Variants in CYTH3 observed in about 807,000 individuals in gnomAD.
CYTH3 encodes cytohesin-3.
In CYTH3, 23 loss-of-function variants were observed where a neutral mutation model predicts 55.1. The ratio of observed to expected loss-of-function variants is 0.42; its 90% CI spans 0.30 to 0.59. The LOEUF (loss-of-function observed/expected upper bound fraction) is 0.59. Ranked by LOEUF, CYTH3 falls within the 20% of genes least tolerant of loss-of-function variation. CYTH3 has a pLI of 0.20. For missense variants in CYTH3, 413 were observed against 524.8 expected (o/e 0.79, Z 2.08); for synonymous variants, 249 against 194.9 (o/e 1.28, Z -2.31).
intron 1 of CYTH3, among the ~76,000 whole-genome samples, chr7:6,252,470 A>T (rs539322711): frequency 2.0e-5 from 3 of 152,226 alleles, no homozygotes; most frequent in Non-Finnish European, 2.9e-5. Context: ...TGGAATTTAA[A>T]TCAGTCATCT....
rs1472499217 is a variant in CYTH3, at chr7:6,247,616, AG to A, written c.34+24857del. Among the ~76,000 whole-genome samples the A allele has an allele frequency of 5.9e-5, 9 of 152,204 alleles. No individual in the cohort carries two copies. The South Asian group carries it at 1.7e-3, about 28-fold the overall frequency. On this transcript the variant is annotated intron_variant, in intron 1 of 12. Coordinates refer to ENST00000350796, the MANE Select transcript of CYTH3 (RefSeq NM_004227.4). ...CTGCAAATGCTTTTACTGTCATTACAGTTTCTTTCAGCTCTTTCATTTCACT... is the reference window on the plus strand; with the variant it reads ...CTGCAAATGCTTTTACTGTCATTACATTTCTTTCAGCTCTTTCATTTCACT...
rs116342458 is a variant in CYTH3, at chr7:6,191,527, C to A, written c.35-996G>T. ...TAAAAGTATAAATGTGAAGGGGAAACGCTACACAATTTTTAGAAGTAAATA... is the reference window on the plus strand; with the variant it reads ...TAAAAGTATAAATGTGAAGGGGAAAAGCTACACAATTTTTAGAAGTAAATA... On this transcript the variant is annotated intron_variant, in intron 1 of 12. Transcript: ENST00000350796. Among the ~76,000 whole-genome samples the A allele has an allele frequency of 8.5e-3, 1,276 of 150,842 alleles. 17 individuals carry two copies. Among genetic ancestry groups the A allele is most frequent in the African/African-American group, 0.03 (1,210 of 41,014 alleles).
chr7:6,257,065 G>C, intron 1 of CYTH3, among the ~76,000 whole-genome samples: 1 of 152,134 alleles, frequency 6.6e-6, no homozygotes. Context: ...TGTGATTCCC[G>C]AGAAAACGCA....
chr7:6,272,409 C>CGGGGGGGGGGGGGCG, intron 1 of CYTH3, 65 bp downstream of exon 1: 6 of 1,212,380 alleles, frequency 4.9e-6, no homozygotes, highest in South Asian at 2.0e-5. Context: ...GCCGCGCCCT[C>CGGGGGGGGGGGGGCG]GACCCCCAGC....
At chr7:6,266,083 A>T (rs902493692) in intron 1 of CYTH3, among the ~76,000 whole-genome samples, 2 of 151,802 alleles carry the variant, frequency 1.3e-5, no homozygotes, top group African/African-American at 4.8e-5. Flanking sequence ...TTCCCTCCAT[A>T]TTTCCCACTA....
At chr7:6,197,928 C>CA (rs150760300) in intron 1 of CYTH3, among the ~76,000 whole-genome samples, 4,004 of 151,938 alleles carry the variant, frequency 0.026, 181 homozygotes, top group African/African-American at 0.091. Context: ...TCTGTCTCTA[C>CA]AAAAAACAGA....
rs988201911 is a variant in CYTH3, at chr7:6,170,446, C to T, written c.823+89G>A. 6.9e-5 allele frequency: 82 copies of T among 1,187,388 alleles called. 1 individual carries two copies. The South Asian group carries it at 1.1e-3, about 16-fold the overall frequency. The allele number at this position is 1,187,388 out of a possible 1,614,324, so 73.6% of individuals were successfully genotyped here. Reference sequence around the variant, plus strand: ...TAACGTCTCTGCCTGCGGTGGGGGGCATTCCTACGATGAGCCTGGGAGGAA... The same window carrying T: ...TAACGTCTCTGCCTGCGGTGGGGGGTATTCCTACGATGAGCCTGGGAGGAA... On this transcript the variant is annotated intron_variant, in intron 9 of 12. Coordinates refer to ENST00000350796, the MANE Select transcript of CYTH3 (RefSeq NM_004227.4). The surrounding 1 kb of genome is among the most constrained non-coding windows in gnomAD (Gnocchi z 7.8).
chr7:6,212,188 T>C (rs879709416), intron 1 of CYTH3, among the ~76,000 whole-genome samples: 2 of 152,190 alleles, frequency 1.3e-5, no homozygotes, highest in Non-Finnish European at 2.9e-5. Flanking sequence ...CACTGGAGTA[T>C]GGTGGTCAAT....
intron 1 of CYTH3, among the ~76,000 whole-genome samples, chr7:6,216,490 G>GC (rs1784429758): frequency 6.6e-6 from 1 of 152,008 alleles, no homozygotes; most frequent in Admixed American, 6.6e-5. Context: ...TGTAATGCTA[G>GC]CACTTTGGGA....
intron 1 of CYTH3, among the ~76,000 whole-genome samples, chr7:6,238,873 A>AAGGGGAAAAGATTGGAAATCAGAACTCC (rs1779597155): frequency 6.6e-6 from 1 of 151,678 alleles, no homozygotes; most frequent in Non-Finnish European, 1.5e-5. Context: ...GTCTATTTAA[A>AAGGGGAAAAGATTGGAAATCAGAACTCC]AGGGGAAAAG....
At chr7:6,208,535 C>T (rs573980032) in intron 1 of CYTH3, among the ~76,000 whole-genome samples, 23 of 145,754 alleles carry the variant, frequency 1.6e-4, no homozygotes, top group African/African-American at 6.2e-4. Context: ...TTCATTCTAG[C>T]TCATTTTCTT....
intron 1 of CYTH3, among the ~76,000 whole-genome samples, chr7:6,258,105 C>A (rs370452570): frequency 1.3e-5 from 2 of 152,036 alleles, no homozygotes; most frequent in Non-Finnish European, 2.9e-5. Context: ...AAGATCTTGT[C>A]TCTACAAAAA....
At chr7:6,223,594 C>T (rs1490324238) in intron 1 of CYTH3, among the ~76,000 whole-genome samples, 1 of 152,038 alleles carries the variant, frequency 6.6e-6, no homozygotes, top group Non-Finnish European at 1.5e-5. Context: ...GGATTAAGAG[C>T]AGTGCAAGAT....
chr7:6,264,807 G>A (rs1780446100), intron 1 of CYTH3, among the ~76,000 whole-genome samples: 1 of 152,192 alleles, frequency 6.6e-6, no homozygotes, highest in Admixed American at 6.5e-5. Context: ...AGATCTTGGA[G>A]ATATAACTGG....
rs775130292 is a variant in CYTH3 at position 6,170,620 on chromosome 7, C to T, written c.738G>A (p.Glu246=). The change falls in exon 9 of 13, where the codon GAG becomes GAA. Residue 246 remains glutamate (E), a synonymous_variant. Coordinates refer to ENST00000350796, the MANE Select transcript of CYTH3 (RefSeq NM_004227.4). This position sits in a 1 kb window ranked among gnomAD's most constrained non-coding sequence, Gnocchi z 7.8. ...LRNLYESIKN[E]PFKIPEDDGN... is the part of the protein sequence containing the mutation. Reference sequence around the variant, plus strand: ...CGTCGTCCTCCGGGATCTTAAATGGCTCGTTCTTAATGCTCTCATACAAAT... The same window carrying T: ...CGTCGTCCTCCGGGATCTTAAATGGTTCGTTCTTAATGCTCTCATACAAAT... 12 of 1,613,866 alleles carry T rather than the reference C, an allele frequency of 7.4e-6. No homozygotes were observed. Among genetic ancestry groups the T allele is most frequent in the South Asian group, 1.1e-5 (1 of 91,078 alleles).
chr7:6,262,791 T>C (rs1057436329), intron 1 of CYTH3, among the ~76,000 whole-genome samples: 5 of 152,212 alleles, frequency 3.3e-5, no homozygotes, highest in Non-Finnish European at 7.3e-5. Flanking sequence ...CAGTGGCACA[T>C]GCCTGTAGTC....
intron 4 of CYTH3, among the ~76,000 whole-genome samples, chr7:6,183,895 C>G (rs377369726): frequency 6.6e-6 from 1 of 151,814 alleles, no homozygotes; most frequent in Non-Finnish European, 1.5e-5. Context: ...TCCTTACTCC[C>G]CAGCATGTGA....
chr7:6,251,600 C>A (rs180803685), intron 1 of CYTH3, among the ~76,000 whole-genome samples: 1 of 152,184 alleles, frequency 6.6e-6, no homozygotes, highest in African/African-American at 2.4e-5. Flanking sequence ...TCATATATTA[C>A]ATCCACTGAA....
Position 6,170,776 on chromosome 7 carries a change from G to T in CYTH3, c.711+54C>A. 1.3e-6 allele frequency: 2 copies of T among 1,580,748 alleles called. No homozygotes were observed. The highest frequency in any genetic ancestry group is 1.7e-6 in the Non-Finnish European group (2 of 1,162,972). Reference sequence around the variant, plus strand: ...GTCTAGAGCCGCGGGCGCTGCGGCCGCTCACAGCGAAGAGATCCTGCAGAC... The same window carrying T: ...GTCTAGAGCCGCGGGCGCTGCGGCCTCTCACAGCGAAGAGATCCTGCAGAC... On this transcript the variant is annotated intron_variant, in intron 8 of 12. Coordinates refer to ENST00000350796, the MANE Select transcript of CYTH3 (RefSeq NM_004227.4). This position sits in a 1 kb window ranked among gnomAD's most constrained non-coding sequence, Gnocchi z 7.8.
Sources: gnomAD v4.1 joint callset for allele counts (sites outside exome capture counted in the v4.1 genomes callset) on GRCh38, gnomAD v4.1.1 for gene constraint, Gnocchi (gnomAD v3.1) non-coding constraint, MANE v1.5 for transcripts, NCBI Gene and HGNC (gene_info 2026-07-23, HGNC 2026-07-21) for gene names.